Variants in DCC observed in about 807,000 individuals in gnomAD.
The protein encoded by DCC is DCC netrin 1 receptor, also known as netrin receptor DCC.
Under a neutral mutation model 172.5 loss-of-function variants are expected in DCC, and 58 were observed. The observed-to-expected ratio is 0.34, with a 90% CI of 0.27 to 0.42. DCC has a LOEUF of 0.42. Ranked by LOEUF, DCC falls within the 10% of genes least tolerant of loss-of-function variation. DCC has a pLI of 1.00. For missense variants in DCC, 1,740 were observed against 1,791.0 expected, an observed-to-expected ratio of 0.97 and a Z score of 0.51; for synonymous variants, 709 against 644.5, an observed-to-expected ratio of 1.10 and a Z score of -1.52.
intron 12 of DCC, among the ~76,000 whole-genome samples, chr18:53,270,843 C>T (rs904080908): frequency 1.3e-5 from 2 of 152,094 alleles, no homozygotes; most frequent in Non-Finnish European, 2.9e-5. Flanking sequence ...AGAAAACTCT[C>T]TAGGATCTTT....
intron 1 of DCC, among the ~76,000 whole-genome samples, chr18:52,396,959 T>C (rs963735965): frequency 6.6e-6 from 1 of 152,046 alleles, no homozygotes; most frequent in African/African-American, 2.4e-5. Flanking sequence ...ATATAGTGGG[T>C]ACTCAACAAA....
chr18:52,900,462 C>T (rs918894121), intron 2 of DCC, among the ~76,000 whole-genome samples: 1 of 152,150 alleles, frequency 6.6e-6, no homozygotes, highest in African/African-American at 2.4e-5. Context: ...TTGCTAATAG[C>T]ACCCAATGCT....
At chr18:53,219,522 C>G (rs2055899888) in intron 12 of DCC, among the ~76,000 whole-genome samples, 1 of 152,030 alleles carries the variant, frequency 6.6e-6, no homozygotes, top group African/African-American at 2.4e-5. Flanking sequence ...TTTTTAAATG[C>G]AAATTGATGG....
intron 1 of DCC, among the ~76,000 whole-genome samples, chr18:52,414,777 T>C (rs559852377): frequency 2.0e-5 from 3 of 152,320 alleles, no homozygotes; most frequent in African/African-American, 4.8e-5. Flanking sequence ...ATAGGAGCAC[T>C]ATAAAATTTT....
intron 2 of DCC, among the ~76,000 whole-genome samples, chr18:52,776,921 T>G (rs2037445167): frequency 6.6e-6 from 1 of 152,178 alleles, no homozygotes; most frequent in South Asian, 2.1e-4. Context: ...AAAGTTAATT[T>G]TTGTAACCAC....
chr18:53,363,429 A>C (rs2057969491), intron 15 of DCC, among the ~76,000 whole-genome samples: 1 of 152,166 alleles, frequency 6.6e-6, no homozygotes, highest in Non-Finnish European at 1.5e-5. Context: ...GCTTTTTGAA[A>C]GTTTGTGATA....
Position 52,906,096 on chromosome 18 carries a change from C to G in DCC, c.465C>G (p.Asp155Glu), listed in dbSNP as rs963449733. Residue 155 changes from aspartate (D) to glutamate (E), a missense_variant, in exon 3 of 29, where the codon GAC becomes GAG. Transcript: ENST00000442544. The part of the protein sequence containing the change: ...QTESVTAFMG[D>E]TVLLKCEVIG... Reference sequence around the variant, plus strand: ...AATCTGTCACAGCCTTCATGGGAGACACAGTGCTACTCAAGTGTGAAGTCA... The same window carrying G: ...AATCTGTCACAGCCTTCATGGGAGAGACAGTGCTACTCAAGTGTGAAGTCA... The G allele has an allele frequency of 6.2e-7, 1 of 1,613,030 alleles. No homozygotes were observed. Among genetic ancestry groups the G allele is most frequent in the Admixed American group, 1.7e-5 (1 of 60,010 alleles).
intron 1 of DCC, among the ~76,000 whole-genome samples, chr18:52,686,530 C>T (rs2035838795): frequency 6.6e-6 from 1 of 152,072 alleles, no homozygotes; most frequent in South Asian, 2.1e-4. Context: ...ACTTTGTCAG[C>T]CCACACTTCC....
chr18:52,570,015 C>G (rs1205258841), intron 1 of DCC, among the ~76,000 whole-genome samples: 1 of 152,086 alleles, frequency 6.6e-6, no homozygotes, highest in African/African-American at 2.4e-5. Flanking sequence ...AGTCAAAATA[C>G]TGGGATCCTA....
intron 7 of DCC, among the ~76,000 whole-genome samples, chr18:53,119,182 T>C (rs1040291576): frequency 2.6e-5 from 4 of 151,836 alleles, no homozygotes; most frequent in African/African-American, 4.8e-5. Flanking sequence ...ATTACTACAG[T>C]GGGTCAAGAT....
At chr18:53,294,376 A>G (rs1299670786) in intron 12 of DCC, among the ~76,000 whole-genome samples, 1 of 152,228 alleles carries the variant, frequency 6.6e-6, no homozygotes, top group East Asian at 1.9e-4. Flanking sequence ...ATTCAAAAAG[A>G]CAGTATCCAG....
intron 8 of DCC, among the ~76,000 whole-genome samples, chr18:53,167,821 A>T (rs16956266): frequency 6.6e-6 from 1 of 152,200 alleles, no homozygotes; most frequent in Non-Finnish European, 1.5e-5. Flanking sequence ...GAGAGCATTT[A>T]ATGGTACTGG....
chr18:53,442,766 T>C (rs56040515), intron 22 of DCC, among the ~76,000 whole-genome samples: 4,701 of 152,320 alleles, frequency 0.031, 261 homozygotes, highest in African/African-American at 0.11. Flanking sequence ...AGTGCTATTC[T>C]AGTGAACCCA....
chr18:52,675,410 C>T (rs2035630688), intron 1 of DCC, among the ~76,000 whole-genome samples: 1 of 152,102 alleles, frequency 6.6e-6, no homozygotes, highest in Non-Finnish European at 1.5e-5. Flanking sequence ...ATTTTAAAAT[C>T]TGCTCTTTAA....
intron 12 of DCC, among the ~76,000 whole-genome samples, chr18:53,304,053 C>T (rs2057171495): frequency 6.8e-6 from 1 of 146,876 alleles, no homozygotes; most frequent in Non-Finnish European, 1.5e-5. Context: ...TGTTCAGATG[C>T]TCCTTCTCTT....
At chr18:53,031,099 A>G (rs953304311) in intron 5 of DCC, among the ~76,000 whole-genome samples, 1 of 152,130 alleles carries the variant, frequency 6.6e-6, no homozygotes, top group Non-Finnish European at 1.5e-5. Flanking sequence ...TTTCTACTAA[A>G]AATACAAAAA....
chr18:52,398,534 A>T (rs1986318941), intron 1 of DCC, among the ~76,000 whole-genome samples: 1 of 151,960 alleles, frequency 6.6e-6, no homozygotes, highest in South Asian at 2.1e-4. Context: ...CTCTCATTTT[A>T]CTACATGATT....
intron 2 of DCC, among the ~76,000 whole-genome samples, chr18:52,796,724 CTTTTTCTCTTGCTG>C (rs2037884068): frequency 1.3e-5 from 2 of 152,046 alleles, no homozygotes; most frequent in Admixed American, 1.3e-4. Flanking sequence ...TGACTTGATG[CTTTTTCTCTTGCTG>C]TTTTTAGAAT....
intron 2 of DCC, among the ~76,000 whole-genome samples, chr18:52,792,247 A>T (rs188962056): frequency 6.6e-6 from 1 of 152,296 alleles, no homozygotes; most frequent in African/African-American, 2.4e-5. Context: ...CCTACCTTTG[A>T]GCTATATCCA....
Sources: allele counts gnomAD v4.1 joint callset (sites outside exome capture counted in the v4.1 genomes callset), GRCh38; gene constraint gnomAD v4.1.1; transcripts MANE v1.5; gene names NCBI Gene and HGNC (gene_info 2026-07-23, HGNC 2026-07-21).